The following TMEM132D variants were observed in gnomAD, a reference collection of about 807,000 sequenced individuals.
TMEM132D encodes mature OL transmembrane protein.
In TMEM132D, 21 loss-of-function variants were observed where a neutral mutation model predicts 62.3. That is an observed-to-expected ratio of 0.34 (90% CI 0.24 to 0.49). The LOEUF (loss-of-function observed/expected upper bound fraction) is 0.49, where lower values mean the gene tolerates loss of function less well. Ranked by LOEUF, TMEM132D falls within the 20% of genes least tolerant of loss-of-function variation. The pLI, the probability that TMEM132D is intolerant of heterozygous loss-of-function variation, is 0.99. For missense variants in TMEM132D, 1,346 were observed against 1,402.8 expected, an observed-to-expected ratio of 0.96 and a Z score of 0.65; for synonymous variants, 621 against 575.6, an observed-to-expected ratio of 1.08 and a Z score of -1.13.
chr12:129,318,034 T>C (rs780719686), intron 4 of TMEM132D, among the ~76,000 whole-genome samples: 1 of 152,196 alleles, frequency 6.6e-6, no homozygotes, highest in Non-Finnish European at 1.5e-5. Context: ...TGAATATTTC[T>C]CCCTTCACTT....
intron 5 of TMEM132D, among the ~76,000 whole-genome samples, chr12:129,108,289 T>C (rs992676391): frequency 3.3e-5 from 5 of 152,188 alleles, no homozygotes; most frequent in Non-Finnish European, 7.3e-5. Context: ...GGCTTCTCCA[T>C]GTTCACCGTG....
chr12:129,609,024 T>G (rs1379424534), intron 2 of TMEM132D, among the ~76,000 whole-genome samples: 1 of 150,544 alleles, frequency 6.6e-6, no homozygotes, highest in African/African-American at 2.4e-5. Flanking sequence ...CACTGCAACC[T>G]CTACCTCCTG....
intron 4 of TMEM132D, among the ~76,000 whole-genome samples, chr12:129,289,309 C>T (rs1028816926): frequency 3.9e-5 from 6 of 151,926 alleles, no homozygotes; most frequent in South Asian, 2.1e-4. Context: ...TTTGGGAGGC[C>T]GAGGCAGGCA....
chr12:129,468,030 C>G (rs1212479897), intron 3 of TMEM132D, among the ~76,000 whole-genome samples: 5 of 152,192 alleles, frequency 3.3e-5, no homozygotes, highest in Non-Finnish European at 7.3e-5. Flanking sequence ...CACTTGGATT[C>G]AGGAACAGCT....
chr12:129,259,143 G>A (rs942506253), intron 4 of TMEM132D, among the ~76,000 whole-genome samples: 3 of 152,148 alleles, frequency 2.0e-5, no homozygotes. Flanking sequence ...TTCCTTCATG[G>A]TTAGGTGGCT....
At chr12:129,574,286 T>C (rs1404517550) in intron 2 of TMEM132D, among the ~76,000 whole-genome samples, 1 of 151,788 alleles carries the variant, frequency 6.6e-6, no homozygotes, top group African/African-American at 2.4e-5. Context: ...AGGTGATGGG[T>C]ATATGGGTGT....
chr12:129,206,227 C>T (rs372786265), intron 5 of TMEM132D, among the ~76,000 whole-genome samples: 47 of 152,186 alleles, frequency 3.1e-4, no homozygotes, highest in South Asian at 1.2e-3. Flanking sequence ...TCTCATATCC[C>T]GCACCTGTAA....
At chr12:129,199,505 C>T (rs11060195) in intron 5 of TMEM132D, among the ~76,000 whole-genome samples, 31,700 of 152,098 alleles carry the variant, frequency 0.21, 3,808 homozygotes, top group East Asian at 0.5. Context: ...AGAAGAAGAA[C>T]TTACAAGATG....
At chr12:129,106,720 G>A (rs769935416) in intron 5 of TMEM132D, among the ~76,000 whole-genome samples, 31 of 152,226 alleles carry the variant, frequency 2.0e-4, no homozygotes, top group South Asian at 4.1e-4. Context: ...GTCGTGTGGC[G>A]TGCTCTGGCC....
chr12:129,682,318 C>T (rs770322935), intron 2 of TMEM132D, among the ~76,000 whole-genome samples: 5 of 152,186 alleles, frequency 3.3e-5, no homozygotes, highest in Non-Finnish European at 7.3e-5. Flanking sequence ...TACTCCACAA[C>T]ACCTGGACAA....
chr12:129,792,135 G>A (rs548382872), intron 1 of TMEM132D, among the ~76,000 whole-genome samples: 1 of 152,294 alleles, frequency 6.6e-6, no homozygotes, highest in Admixed American at 6.5e-5. Context: ...GATTCCGGGA[G>A]GGACTGAACA....
intron 2 of TMEM132D, among the ~76,000 whole-genome samples, chr12:129,599,678 A>C (rs1299404901): frequency 2.0e-5 from 3 of 152,222 alleles, no homozygotes; most frequent in African/African-American, 7.2e-5. Context: ...AGATCATCAT[A>C]ATAAAGCAAA....
chr12:129,209,544 T>C lies in TMEM132D; in HGVS notation c.1419A>G (p.Arg473=). The change falls in exon 5 of 9, where the codon AGA becomes AGG. Residue 473 remains arginine (R), a synonymous_variant. Transcript: ENST00000422113. ...VTELLESVEC[R]SSDEDVIKVS... is the part of the protein sequence containing the mutation. The stretch of plus-strand genomic sequence containing the variant: ...CCTTAATCACGTCTTCATCAGACGA[T>C]CTACACTCCACAGACTCCAGCAGCT... The C allele has an allele frequency of 6.2e-7, 1 of 1,614,106 alleles. No homozygotes were observed. The highest frequency in any genetic ancestry group is 2.2e-5 in the East Asian group (1 of 44,848).
intron 5 of TMEM132D, among the ~76,000 whole-genome samples, chr12:129,135,670 C>A (rs1876537058): frequency 6.6e-6 from 1 of 151,702 alleles, no homozygotes; most frequent in East Asian, 1.9e-4. Flanking sequence ...TTTTGCTCCA[C>A]AGTTGTGAAG....
chr12:129,341,814 T>G (rs527532455), intron 3 of TMEM132D, among the ~76,000 whole-genome samples: 2 of 152,014 alleles, frequency 1.3e-5, no homozygotes, highest in Non-Finnish European at 2.9e-5. Context: ...ATGAGTGAAC[T>G]CCCATTCACA....
At chr12:129,274,007 A>G (rs1880933979) in intron 4 of TMEM132D, among the ~76,000 whole-genome samples, 1 of 151,820 alleles carries the variant, frequency 6.6e-6, no homozygotes, top group African/African-American at 2.4e-5. Flanking sequence ...AATACCACTA[A>G]TTTAGACATA....
intron 2 of TMEM132D, among the ~76,000 whole-genome samples, chr12:129,676,275 C>G (rs185672855): frequency 6.6e-6 from 1 of 152,142 alleles, no homozygotes; most frequent in East Asian, 1.9e-4. Flanking sequence ...GTCTGTCAGT[C>G]TGTCTGTCTA....
At chr12:129,737,712 A>C (rs925452813) in intron 1 of TMEM132D, among the ~76,000 whole-genome samples, 12 of 152,374 alleles carry the variant, frequency 7.9e-5, no homozygotes, top group Middle Eastern at 3.4e-3. Flanking sequence ...CTAAAAGCAA[A>C]GGACCTAGAA....
intron 5 of TMEM132D, among the ~76,000 whole-genome samples, chr12:129,148,838 C>A (rs2135534382): frequency 6.6e-6 from 1 of 151,926 alleles, no homozygotes; most frequent in African/African-American, 2.4e-5. Context: ...CCCCACCCTC[C>A]CCAAGAGGAC....
Sources: gnomAD v4.1 joint callset for allele counts (sites outside exome capture counted in the v4.1 genomes callset) on GRCh38, gnomAD v4.1.1 for gene constraint, MANE v1.5 for transcripts, NCBI Gene and HGNC (gene_info 2026-07-23, HGNC 2026-07-21) for gene names.